The following C12orf42 variants were observed in gnomAD, a reference collection of about 807,000 sequenced individuals.
The protein encoded by C12orf42 is uncharacterized protein C12orf42.
A neutral mutation model predicts 21.6 loss-of-function variants in C12orf42; 25 were observed. The ratio of observed to expected loss-of-function variants is 1.16; its 90% CI spans 0.84 to 1.62. C12orf42 has a LOEUF of 1.62. Ranked by LOEUF, C12orf42 falls within the 40% of genes most tolerant of loss-of-function variation. C12orf42 has a pLI of 0.00. For synonymous variants in C12orf42, 174 were observed against 175.0 expected (o/e 0.99, Z 0.05); for missense variants, 483 against 459.3 (o/e 1.05, Z -0.47).
chr12:103,554,044 T>A, the C12orf42 span, among the ~76,000 whole-genome samples: 9 of 152,170 alleles, frequency 5.9e-5, no homozygotes, highest in African/African-American at 2.2e-4. Flanking sequence ...TTTATATAGG[T>A]CATGGATCAG....
At chr12:103,069,508 A>G in the C12orf42 span, among the ~76,000 whole-genome samples, 4 of 152,196 alleles carry the variant, frequency 2.6e-5, no homozygotes, top group African/African-American at 7.2e-5. Flanking sequence ...CTCTAGTTAT[A>G]AGAAAGTGTT....
At chr12:103,526,977 T>C in the C12orf42 span, among the ~76,000 whole-genome samples, 2 of 152,230 alleles carry the variant, frequency 1.3e-5, no homozygotes, top group African/African-American at 2.4e-5. Context: ...ACAGGCTGTC[T>C]GTATTTGGCG....
At chr12:103,419,421 T>A (rs998770332) in intron 2 of C12orf42, among the ~76,000 whole-genome samples, 10 of 152,046 alleles carry the variant, frequency 6.6e-5, no homozygotes, top group African/African-American at 2.2e-4. Context: ...TGTTATGGGA[T>A]AAAACAGACT....
downstream of C12orf42, among the ~76,000 whole-genome samples, chr12:103,233,341 T>C (rs2033364471): frequency 6.6e-6 from 1 of 152,160 alleles, no homozygotes; most frequent in Non-Finnish European, 1.5e-5. Flanking sequence ...TTAAAATAAG[T>C]TTGCCAATAT....
At chr12:103,398,697 T>C (rs927284668) in intron 3 of C12orf42, among the ~76,000 whole-genome samples, 2 of 152,126 alleles carry the variant, frequency 1.3e-5, no homozygotes, top group Non-Finnish European at 2.9e-5. Flanking sequence ...TATTACCTTT[T>C]TTTTCTGTAG....
intron 4 of C12orf42, among the ~76,000 whole-genome samples, chr12:103,344,962 A>G (rs1332509349): frequency 2.0e-5 from 3 of 152,218 alleles, no homozygotes; most frequent in Non-Finnish European, 4.4e-5. Flanking sequence ...CACTGGATTC[A>G]GGTCCCATGA....
intron 1 of C12orf42, 43 bp from the exon 2 acceptor site, chr12:103,478,490 T>G (rs1761135717): frequency 1.0e-6 from 1 of 952,658 alleles, no homozygotes; most frequent in Admixed American, 3.1e-5. Flanking sequence ...TTTACAATGA[T>G]GCAATGATAA....
At chr12:103,178,262 C>T in the C12orf42 span, 1 of 152,136 alleles carries the variant, frequency 6.6e-6, no homozygotes, top group Non-Finnish European at 1.5e-5. Context: ...CCTTTTCTAC[C>T]CACCCCCAAC....
chr12:103,057,721 A>G, the C12orf42 span, among the ~76,000 whole-genome samples: 1 of 152,104 alleles, frequency 6.6e-6, no homozygotes, highest in Non-Finnish European at 1.5e-5. Context: ...ATACCCAGTA[A>G]TAGGATTGCT....
the C12orf42 span, among the ~76,000 whole-genome samples, chr12:103,536,585 C>T: frequency 2.0e-5 from 3 of 152,112 alleles, no homozygotes; most frequent in Non-Finnish European, 4.4e-5. Context: ...ACCATCCCTC[C>T]CCCAGCCATC....
chr12:103,380,243 T>C (rs926282866), intron 3 of C12orf42, among the ~76,000 whole-genome samples: 3 of 152,202 alleles, frequency 2.0e-5, no homozygotes, highest in African/African-American at 7.2e-5. Flanking sequence ...GTGAAAGTTA[T>C]TTCTAACAAA....
intron 2 of C12orf42, among the ~76,000 whole-genome samples, chr12:103,459,457 C>T (rs1952539855): frequency 6.6e-6 from 1 of 151,968 alleles, no homozygotes; most frequent in African/African-American, 2.4e-5. Flanking sequence ...AAGTGTGTGG[C>T]ACCTCCCCCT....
At chr12:103,471,313 T>C (rs1953585391) in intron 2 of C12orf42, among the ~76,000 whole-genome samples, 1 of 152,206 alleles carries the variant, frequency 6.6e-6, no homozygotes, top group South Asian at 2.1e-4. Flanking sequence ...CCTGTTGGCA[T>C]TAAAATGTCT....
chr12:103,393,340 G>A (rs557483521), intron 3 of C12orf42, among the ~76,000 whole-genome samples: 4 of 152,194 alleles, frequency 2.6e-5, no homozygotes, highest in African/African-American at 9.6e-5. Flanking sequence ...TAGGGGTGGG[G>A]AGGTGCCACA....
the C12orf42 span, among the ~76,000 whole-genome samples, chr12:103,213,707 C>G: frequency 6.6e-6 from 1 of 152,200 alleles, no homozygotes; most frequent in Non-Finnish European, 1.5e-5. Context: ...ATAGGAAAAT[C>G]TGTCCAGAGG....
chr12:103,165,316 C>T, the C12orf42 span, among the ~76,000 whole-genome samples: 2 of 152,202 alleles, frequency 1.3e-5, no homozygotes, highest in Non-Finnish European at 2.9e-5. Flanking sequence ...AAGACAGGCC[C>T]TCTCTTTGTT....
intron 10 of C12orf42, among the ~76,000 whole-genome samples, chr12:103,245,018 T>C (rs2033942940): frequency 6.6e-6 from 1 of 152,082 alleles, no homozygotes. Context: ...GATATTGTTG[T>C]ATTATCCTAT....
the C12orf42 span, among the ~76,000 whole-genome samples, chr12:103,208,898 T>C: frequency 3.5e-4 from 53 of 152,302 alleles, no homozygotes; most frequent in Middle Eastern, 3.4e-3. Context: ...GAAAGACTTA[T>C]CCTCATGAAC....
At chr12:103,561,052 C>T in the C12orf42 span, among the ~76,000 whole-genome samples, 12 of 152,144 alleles carry the variant, frequency 7.9e-5, no homozygotes, top group African/African-American at 2.9e-4. Flanking sequence ...TGGAATCAGG[C>T]CCTATCCCAG....
Sources: gnomAD v4.1 joint callset for allele counts (sites outside exome capture counted in the v4.1 genomes callset) on GRCh38, gnomAD v4.1.1 for gene constraint, MANE v1.5 for transcripts, NCBI Gene and HGNC (gene_info 2026-07-23, HGNC 2026-07-21) for gene names.